AIDA: variants seen among roughly 807,000 people sequenced by gnomAD.
AIDA encodes the protein axin interactor, dorsalization-associated protein.
Under a neutral mutation model 42.7 loss-of-function variants are expected in AIDA, and 18 were observed. That is an observed-to-expected ratio of 0.42 (90% CI 0.29 to 0.63). The LOEUF is 0.63. Ranked by LOEUF, AIDA falls within the 20% of genes least tolerant of loss-of-function variation. The pLI is 0.19. For missense variants in AIDA, 250 were observed against 354.1 expected (o/e 0.71, Z 2.36); for synonymous variants, 104 against 122.9 (o/e 0.85, Z 1.02).
intron 9 of AIDA, 29 bp from the exon 10 acceptor site, chr1:222,670,018 T>C (rs1664416589): frequency 6.2e-7 from 1 of 1,613,456 alleles, no homozygotes; most frequent in Non-Finnish European, 8.5e-7. Context: ...GACCATTGTT[T>C]AAAATACATT....
chr1:222,674,909 T>C (rs999027052), intron 7 of AIDA, among the ~76,000 whole-genome samples: 1 of 152,238 alleles, frequency 6.6e-6, no homozygotes, highest in Non-Finnish European at 1.5e-5. Flanking sequence ...TACACTATCA[T>C]TAAACATCTT....
At chr1:222,709,716 G>C (rs970206388) in intron 1 of AIDA, among the ~76,000 whole-genome samples, 1 of 152,200 alleles carries the variant, frequency 6.6e-6, no homozygotes, top group African/African-American at 2.4e-5. Context: ...GCAGAACTAT[G>C]TTCCAGGAAA....
chr1:222,701,752 C>A (rs1655712974), intron 2 of AIDA, among the ~76,000 whole-genome samples: 1 of 152,164 alleles, frequency 6.6e-6, no homozygotes, highest in Non-Finnish European at 1.5e-5. Context: ...AAGAGTCTTG[C>A]TCTGGCTGTC....
chr1:222,674,251 G>C (rs1664507314), intron 7 of AIDA, among the ~76,000 whole-genome samples: 2 of 152,064 alleles, frequency 1.3e-5, no homozygotes, highest in Admixed American at 1.3e-4. Context: ...CATGTGGAGG[G>C]GGCTGAGTGA....
Position 222,676,118 on chromosome 1 carries a change from G to A in AIDA, c.561C>T (p.Pro187=). ...TACCCTTTACACTAACTGTAATATA[G>A]GGATCGATGCACTGCCCAGCATCTT... ...GLKDAGQCID[P]YITVSVKDLN... is the part of the protein sequence containing the mutation. Residue 187 remains proline (P), a synonymous_variant, in exon 7 of 10, where the codon CCC becomes CCT. Transcript: ENST00000340020. 2 of 1,609,766 alleles carry A rather than the reference G, an allele frequency of 1.2e-6. No homozygotes were observed. The highest frequency in any genetic ancestry group is 1.7e-6 in the Non-Finnish European group (2 of 1,178,442).
At chr1:222,706,293 C>G (rs1468496098) in intron 1 of AIDA, among the ~76,000 whole-genome samples, 1 of 152,092 alleles carries the variant, frequency 6.6e-6, no homozygotes, top group African/African-American at 2.4e-5. Context: ...ATAAATTTAT[C>G]ATATGACCCA....
chr1:222,701,309 CTT>C (rs967545263), intron 2 of AIDA, among the ~76,000 whole-genome samples: 13 of 152,244 alleles, frequency 8.5e-5, no homozygotes, highest in African/African-American at 2.9e-4. Context: ...GGTCAAATCA[CTT>C]TATATTTGAG....
At chr1:222,700,607 T>G (rs1013289806) in intron 2 of AIDA, among the ~76,000 whole-genome samples, 1 of 123,732 alleles carries the variant, frequency 8.1e-6, no homozygotes, top group Non-Finnish European at 1.8e-5. Context: ...ATACAAAAAA[T>G]TAGCTGGGCG....
At chr1:222,685,106 A>G (rs1469307469) in intron 6 of AIDA, among the ~76,000 whole-genome samples, 2 of 152,212 alleles carry the variant, frequency 1.3e-5, no homozygotes, top group Non-Finnish European at 2.9e-5. Context: ...CCAAAGAAAC[A>G]TTATTAACAA....
At chr1:222,671,662 C>T (rs1664451575) in intron 8 of AIDA, among the ~76,000 whole-genome samples, 1 of 152,188 alleles carries the variant, frequency 6.6e-6, no homozygotes, top group Non-Finnish European at 1.5e-5. Flanking sequence ...GCATATTTGG[C>T]CATCCACTCC....
intron 4 of AIDA, among the ~76,000 whole-genome samples, chr1:222,689,605 A>T (rs1453031934): frequency 1.4e-5 from 2 of 143,900 alleles, no homozygotes; most frequent in East Asian, 2.0e-4. Context: ...ATATATATAC[A>T]CACACACACA....
rs757636166 is a variant in AIDA, at chr1:222,693,833, G to C, written c.245C>G (p.Ser82Cys). The C allele has an allele frequency of 1.2e-6, 2 of 1,607,364 alleles. No homozygotes were observed. Among genetic ancestry groups the C allele is most frequent in the Non-Finnish European group, 1.7e-6 (2 of 1,175,380 alleles). The stretch of plus-strand genomic sequence containing the variant: ...GTCCTCCAGTTTAAATTCTTCTTGA[G>C]ACTGTGTGGACTAAATTTAAAATAA... Reference protein sequence around the residue: ...LRSAALQSTQSQEEFKLEDLK... With the variant: ...LRSAALQSTQCQEEFKLEDLK... The change falls in exon 4 of 10, where the codon TCT becomes TGT. Residue 82 changes from serine (S) to cysteine (C), a missense_variant. Physicochemically the swap from Ser to Cys is moderately radical, Grantham distance 112 (BLOSUM62 -1). Coordinates refer to ENST00000340020, the MANE Select transcript of AIDA (RefSeq NM_022831.4).
intron 2 of AIDA, 56 bp from the exon 3 acceptor site, chr1:222,694,319 AATC>A (rs1166937660): frequency 5.9e-6 from 8 of 1,359,700 alleles, no homozygotes; most frequent in Admixed American, 4.1e-5. Flanking sequence ...TGTTAGTTCA[AATC>A]ATCAAGTTAA....
intron 2 of AIDA, among the ~76,000 whole-genome samples, chr1:222,699,321 T>C (rs575605708): frequency 6.6e-6 from 1 of 152,328 alleles, no homozygotes; most frequent in South Asian, 2.1e-4. Flanking sequence ...ATTTTCCTCT[T>C]TTGAAGAAAA....
At chr1:222,712,111 C>T in intron 1 of AIDA, 97 bp downstream of exon 1, 4 of 1,532,332 alleles carry the variant, frequency 2.6e-6, no homozygotes, top group Non-Finnish European at 3.5e-6. Flanking sequence ...CCTGAGAAGC[C>T]TTGGCTGCAG....
At chr1:222,671,212 AGT>A (rs1664442970) in intron 8 of AIDA, among the ~76,000 whole-genome samples, 1 of 152,134 alleles carries the variant, frequency 6.6e-6, no homozygotes, top group African/African-American at 2.4e-5. Context: ...TGTGTGACAA[AGT>A]GAGACTCTGT....
Position 222,693,781 on chromosome 1 carries a change from A to G in AIDA, c.289+8T>C. ...GAGTATCACAAAAAAATATAAACTT[A>G]AACTTACTTGGTTCTAGCTTCTTCA... On this transcript the variant is annotated splice_region_variant and intron_variant, in intron 4 of 9. Coordinates refer to ENST00000340020, the MANE Select transcript of AIDA (RefSeq NM_022831.4). 6.2e-7 allele frequency: 1 copy of G among 1,601,794 alleles called. No individual in the cohort carries two copies. Among genetic ancestry groups the G allele is most frequent in the Non-Finnish European group, 8.5e-7 (1 of 1,171,130 alleles).
intron 4 of AIDA, among the ~76,000 whole-genome samples, chr1:222,688,873 T>C (rs934052046): frequency 5.9e-5 from 9 of 152,050 alleles, no homozygotes; most frequent in East Asian, 3.9e-4. Flanking sequence ...AAAAAGTTAA[T>C]TATAAAACAG....
intron 8 of AIDA, among the ~76,000 whole-genome samples, chr1:222,670,550 G>GTATATTTTATATTT (rs1664428913): frequency 6.6e-6 from 1 of 152,098 alleles, no homozygotes; most frequent in South Asian, 2.1e-4. Context: ...ATCATAAGCT[G>GTATATTTTATATTT]CTATAAAATA....
Sources: allele counts gnomAD v4.1 joint callset (sites outside exome capture counted in the v4.1 genomes callset), GRCh38; gene constraint gnomAD v4.1.1; transcripts MANE v1.5; gene names NCBI Gene and HGNC (gene_info 2026-07-23, HGNC 2026-07-21).